KHDRBS2: variants seen among roughly 807,000 people sequenced by gnomAD.
KHDRBS2 encodes the protein KH RNA binding domain containing, signal transduction associated 2.
Under a neutral mutation model 44.3 loss-of-function variants are expected in KHDRBS2, and 26 were observed. The ratio of observed to expected loss-of-function variants is 0.59; its 90% CI spans 0.43 to 0.81. The LOEUF (loss-of-function observed/expected upper bound fraction) is 0.81. Ranked by LOEUF, KHDRBS2 falls within the 40% of genes least tolerant of loss-of-function variation. The pLI, the probability that KHDRBS2 is intolerant of heterozygous loss-of-function variation, is 0.00. For synonymous variants in KHDRBS2, 194 were observed against 151.1 expected, an observed-to-expected ratio of 1.28 and a Z score of -2.08; for missense variants, 476 against 433.1, an observed-to-expected ratio of 1.10 and a Z score of -0.88.
At chr6:61,978,860 G>A (rs185580347) in intron 3 of KHDRBS2, among the ~76,000 whole-genome samples, 15 of 152,134 alleles carry the variant, frequency 9.9e-5, no homozygotes, top group Non-Finnish European at 1.8e-4. Context: ...CATGGGCTAC[G>A]TAACTTCTGG....
At chr6:62,245,528 A>G (rs188455839) in intron 1 of KHDRBS2, among the ~76,000 whole-genome samples, 48 of 152,268 alleles carry the variant, frequency 3.2e-4, no homozygotes. Flanking sequence ...CAATTATTGA[A>G]ATAACTATTG....
chr6:61,677,921 C>CT (rs1363779555), downstream of KHDRBS2, among the ~76,000 whole-genome samples: 4 of 151,916 alleles, frequency 2.6e-5, no homozygotes, highest in Non-Finnish European at 5.9e-5. Flanking sequence ...CTCTCAGTCT[C>CT]TGTCACTGCC....
chr6:62,048,119 C>CGT, intron 2 of KHDRBS2, 125 bp from the exon 3 acceptor site: 1 of 573,272 alleles, frequency 1.7e-6, no homozygotes, highest in Non-Finnish European at 3.2e-6. Context: ...ATGCCATAAA[C>CGT]ATACACACAC....
At chr6:61,661,687 C>A in the KHDRBS2 span, among the ~76,000 whole-genome samples, 2 of 151,746 alleles carry the variant, frequency 1.3e-5, no homozygotes, top group African/African-American at 2.4e-5. Flanking sequence ...ATCCAACTTA[C>A]AAGGGACATG....
chr6:61,903,678 T>C (rs1417395978), intron 4 of KHDRBS2, among the ~76,000 whole-genome samples: 1 of 152,190 alleles, frequency 6.6e-6, no homozygotes, highest in African/African-American at 2.4e-5. Context: ...ATTTGCCATG[T>C]GATTTGCCTT....
chr6:61,574,399 A>G, the KHDRBS2 span: 8 of 1,523,976 alleles, frequency 5.2e-6, no homozygotes, highest in South Asian at 1.2e-5. Context: ...AGAGGCGGAC[A>G]TAATACAACA....
chr6:61,865,595 G>C (rs1226270867), intron 6 of KHDRBS2, among the ~76,000 whole-genome samples: 1 of 152,002 alleles, frequency 6.6e-6, no homozygotes, highest in South Asian at 2.1e-4. Flanking sequence ...TCTGGGTGGG[G>C]ACACAGCCAA....
intron 2 of KHDRBS2, among the ~76,000 whole-genome samples, chr6:62,113,468 G>C (rs1805495140): frequency 6.6e-6 from 1 of 152,056 alleles, no homozygotes; most frequent in Non-Finnish European, 1.5e-5. Context: ...AATATATGAG[G>C]TACAGAAAAA....
At chr6:62,106,662 T>A (rs1803425577) in intron 2 of KHDRBS2, among the ~76,000 whole-genome samples, 1 of 152,014 alleles carries the variant, frequency 6.6e-6, no homozygotes, top group African/African-American at 2.4e-5. Context: ...TAGACCAATA[T>A]CCTTGATGAA....
At chr6:62,065,917 A>G (rs1793568547) in intron 2 of KHDRBS2, among the ~76,000 whole-genome samples, 2 of 151,758 alleles carry the variant, frequency 1.3e-5, no homozygotes, top group Admixed American at 1.3e-4. Flanking sequence ...GCTATAAATA[A>G]TTATTTACTA....
At chr6:61,848,174 T>A (rs958344533) in intron 6 of KHDRBS2, among the ~76,000 whole-genome samples, 2 of 151,784 alleles carry the variant, frequency 1.3e-5, no homozygotes, top group African/African-American at 4.8e-5. Context: ...GGCAAGATAG[T>A]ATTTTGGGGA....
chr6:62,121,766 C>T (rs2150083016), intron 2 of KHDRBS2, among the ~76,000 whole-genome samples: 1 of 152,192 alleles, frequency 6.6e-6, no homozygotes, highest in South Asian at 2.1e-4. Context: ...CTGATTGGAT[C>T]TAGTGAGCAA....
chr6:62,203,185 AAGG>A (rs1827325029), intron 1 of KHDRBS2, among the ~76,000 whole-genome samples: 1 of 152,116 alleles, frequency 6.6e-6, no homozygotes, highest in Admixed American at 6.6e-5. Flanking sequence ...AGGATGTGGT[AAGG>A]AGTTTTGTCT....
In KHDRBS2 at chr6:61,724,422, C is replaced by A. The variant is rs9359726; in HGVS notation, c.893+8260G>T. On this transcript the variant is annotated intron_variant, in intron 7 of 8. Coordinates refer to ENST00000281156, the MANE Select transcript of KHDRBS2 (RefSeq NM_152688.4). ...CCATGTGAACAGTCTGCAAAATAAT[C>A]AGCTAGCATCATGATGAAAGGATCA... Among the ~76,000 whole-genome samples the A allele has an allele frequency of 2.0e-4, 31 of 152,202 alleles. No individual in the cohort carries two copies. The East Asian group carries it at 5.0e-3, about 25-fold the overall frequency.
intron 1 of KHDRBS2, among the ~76,000 whole-genome samples, chr6:62,281,766 T>C (rs191236419): frequency 6.6e-6 from 1 of 152,266 alleles, no homozygotes; most frequent in East Asian, 1.9e-4. Flanking sequence ...TCCTGTTATA[T>C]AGATGAAGAA....
intron 1 of KHDRBS2, among the ~76,000 whole-genome samples, chr6:62,196,162 G>A (rs1429537671): frequency 6.6e-6 from 1 of 152,082 alleles, no homozygotes; most frequent in African/African-American, 2.4e-5. Context: ...TCCCTGTATA[G>A]ACTAACTTCT....
At chr6:62,111,532 G>C (rs1250707767) in intron 2 of KHDRBS2, among the ~76,000 whole-genome samples, 1 of 151,890 alleles carries the variant, frequency 6.6e-6, no homozygotes, top group Non-Finnish European at 1.5e-5. Flanking sequence ...ATTTTTCTTT[G>C]GTAAGTTAGA....
intron 6 of KHDRBS2, among the ~76,000 whole-genome samples, chr6:61,786,766 G>A (rs1271391170): frequency 6.6e-6 from 1 of 151,844 alleles, no homozygotes; most frequent in Non-Finnish European, 1.5e-5. Context: ...GGTTCAAGGA[G>A]CAGGTGCAGT....
At chr6:62,149,307 A>G (rs1171773559) in intron 2 of KHDRBS2, among the ~76,000 whole-genome samples, 2 of 152,034 alleles carry the variant, frequency 1.3e-5, no homozygotes, top group Non-Finnish European at 2.9e-5. Context: ...GAATAATCCT[A>G]TCCCTTCACC....
Sources: gnomAD v4.1 joint callset for allele counts (sites outside exome capture counted in the v4.1 genomes callset) on GRCh38, gnomAD v4.1.1 for gene constraint, MANE v1.5 for transcripts, NCBI Gene and HGNC (gene_info 2026-07-23, HGNC 2026-07-21) for gene names.